LIN54: variants seen among roughly 807,000 people sequenced by gnomAD.
The protein encoded by LIN54 is lin-54 DREAM MuvB core complex component, also known as protein lin-54 homolog.
In LIN54, 9 loss-of-function variants were observed where a neutral mutation model predicts 78.7. The ratio of observed to expected loss-of-function variants is 0.11; its 90% confidence interval spans 0.07 to 0.20. LIN54 has a LOEUF of 0.20. Ranked by LOEUF, LIN54 falls within the 10% of genes least tolerant of loss-of-function variation. The pLI, the probability that LIN54 is intolerant of heterozygous loss-of-function variation, is 1.00. For missense variants in LIN54, 573 were observed against 889.9 expected (o/e 0.64, Z 4.53); for synonymous variants, 269 against 318.4 (o/e 0.84, Z 1.65).
Position 82,935,269 on chromosome 4 carries a change from TATATATTTATATATTTATA to T in LIN54, c.1845+693_1845+711del, listed in dbSNP as rs1275184516. On this transcript the variant is annotated intron_variant, in intron 11 of 12. Transcript: ENST00000340417. ...AGGCTATTTTGTATCCATATATATA[TATATATTTATATATTTATA>T]ATATATATTTATATATTTGAGACAG... is the stretch of plus-strand genomic sequence containing the variant. Among the ~76,000 whole-genome samples the T allele has an allele frequency of 2.0e-5, 3 of 147,832 alleles. No individual in the cohort carries two copies. The East Asian group carries it at 5.9e-4, about 29-fold the overall frequency.
At chr4:82,931,421 A>C (rs1454801943) in intron 11 of LIN54, among the ~76,000 whole-genome samples, 1 of 152,168 alleles carries the variant, frequency 6.6e-6, no homozygotes, top group Non-Finnish European at 1.5e-5. Flanking sequence ...TATGAGTTAC[A>C]CATGTTTTTC....
chr4:82,997,388 C>T (rs1179925777), intron 1 of LIN54, among the ~76,000 whole-genome samples: 1 of 152,118 alleles, frequency 6.6e-6, no homozygotes, highest in Non-Finnish European at 1.5e-5. Flanking sequence ...ATATCCTCTG[C>T]AATTACATTC....
intron 4 of LIN54, among the ~76,000 whole-genome samples, chr4:82,961,093 TA>T (rs886718891): frequency 1.9e-4 from 28 of 148,604 alleles, no homozygotes; most frequent in East Asian, 7.8e-4. Flanking sequence ...CTTTTGAACC[TA>T]AAAAAAAAAA....
chr4:82,993,145 C>T (rs1578634489), intron 1 of LIN54, among the ~76,000 whole-genome samples: 1 of 151,704 alleles, frequency 6.6e-6, no homozygotes, highest in African/African-American at 2.4e-5. Flanking sequence ...TGTGCCTGGC[C>T]CATTTTTTAT....
intron 3 of LIN54, among the ~76,000 whole-genome samples, chr4:82,970,979 A>C (rs1330826756): frequency 6.6e-6 from 1 of 152,186 alleles, no homozygotes; most frequent in African/African-American, 2.4e-5. Flanking sequence ...GGGGATAAAA[A>C]AATGTTTTTT....
At chr4:83,005,626 GAAA>G (rs34604804) in intron 1 of LIN54, among the ~76,000 whole-genome samples, 2 of 104,620 alleles carry the variant, frequency 1.9e-5, no homozygotes, top group Non-Finnish European at 4.0e-5. Context: ...CTCCATCTCA[GAAA>G]AAAAAAAAAA....
intron 7 of LIN54, among the ~76,000 whole-genome samples, 175 bp from the exon 8 acceptor site, chr4:82,938,679 A>G (rs1323178092): frequency 6.6e-6 from 1 of 152,248 alleles, no homozygotes; most frequent in Admixed American, 6.5e-5. Context: ...CCAATACTAT[A>G]GGTGAAAATA....
At chr4:83,008,271 A>C (rs1241003814) in intron 1 of LIN54, among the ~76,000 whole-genome samples, 1 of 152,196 alleles carries the variant, frequency 6.6e-6, no homozygotes, top group Non-Finnish European at 1.5e-5. Context: ...AAGTTCCCTG[A>C]AGTAATGATA....
At chr4:82,992,375 C>CT in intron 1 of LIN54, among the ~76,000 whole-genome samples, 1 of 152,174 alleles carries the variant, frequency 6.6e-6, no homozygotes, top group East Asian at 1.9e-4. Flanking sequence ...TTTTATTGAC[C>CT]TTTACAAAGA....
chr4:82,981,288 T>C (rs1169718324), intron 2 of LIN54, among the ~76,000 whole-genome samples: 1 of 152,230 alleles, frequency 6.6e-6, no homozygotes, highest in Non-Finnish European at 1.5e-5. Context: ...TTATATACTA[T>C]GCACAGGAAA....
At chr4:82,936,755 G>A (rs1485958282) in intron 9 of LIN54, among the ~76,000 whole-genome samples, 1 of 152,128 alleles carries the variant, frequency 6.6e-6, no homozygotes, top group Non-Finnish European at 1.5e-5. Context: ...TCTAATAGTT[G>A]AACTGGCTCA....
intron 4 of LIN54, among the ~76,000 whole-genome samples, chr4:82,968,229 A>G (rs1018649947): frequency 2.0e-5 from 3 of 151,834 alleles, no homozygotes; most frequent in African/African-American, 7.3e-5. Context: ...TTTTTTGTAG[A>G]GACAGGGTTT....
At chr4:82,966,694 T>C (rs111573665) in intron 4 of LIN54, among the ~76,000 whole-genome samples, 3,035 of 152,034 alleles carry the variant, frequency 0.02, 103 homozygotes, top group African/African-American at 0.068. Context: ...TCTCAGCTCA[T>C]TGCAACCTCC....
rs1436192304 is a variant in LIN54 at position 82,927,727 on chromosome 4, C to G, written c.*375G>C. On this transcript the variant is annotated 3_prime_UTR_variant, in exon 13 of 13. Transcript: ENST00000340417. ...TAGATCAAGTCCCAAAGAATGGGTG[C>G]TAACCACTGCTGCTTTGGCTTTTCT... 1 of 175,034 alleles carries G rather than the reference C, an allele frequency of 5.7e-6. No individual in the cohort carries two copies. The highest frequency in any genetic ancestry group is 2.4e-5 in the African/African-American group (1 of 41,866). 10.8% of individuals were successfully genotyped at this position (175,034 alleles called of 1,614,324 possible).
rs1440926291 is a variant in LIN54 at position 82,984,752 on chromosome 4, A to G, written c.93T>C (p.Ala31=). ...ITLVDDDSIE[A]VIVSSPIPME... is the part of the protein sequence containing the mutation. ...TGGGAATTGGGGATGAAACAATAACAGCCTCAATACTATCATCATCCACTA... is the reference window on the plus strand; with the variant it reads ...TGGGAATTGGGGATGAAACAATAACGGCCTCAATACTATCATCATCCACTA... The change falls in exon 2 of 13, where the codon GCT becomes GCC. Residue 31 remains alanine (A), a synonymous_variant. Transcript: ENST00000340417. The G allele has an allele frequency of 1.2e-6, 2 of 1,614,084 alleles. No individual in the cohort carries two copies. The highest frequency in any genetic ancestry group is 1.7e-6 in the Non-Finnish European group (2 of 1,179,948).
rs1728711487 is a variant in LIN54, at chr4:83,000,907, T to G, written c.-33+9577A>C. Among the ~76,000 whole-genome samples the G allele has an allele frequency of 2.8e-5, 4 of 141,740 alleles. No individual in the cohort carries two copies. The South Asian group carries it at 9.1e-4, about 32-fold the overall frequency. The allele number at this position is 141,740 out of a possible 152,430, so 93.0% of individuals were successfully genotyped here. On this transcript the variant is annotated intron_variant, in intron 1 of 12. Coordinates refer to ENST00000340417, the MANE Select transcript of LIN54 (RefSeq NM_194282.4). ...ATCTCAGCTCACTGCAACCTCTGCC[T>G]CCCAGGTTCAAGCAATTCTCCTGCC...
Position 82,928,331 on chromosome 4 carries a change from G to T in LIN54, c.2049-28C>A, listed in dbSNP as rs1350673296. The T allele has an allele frequency of 5.1e-6, 8 of 1,557,240 alleles. No individual in the cohort carries two copies. The Admixed American group carries it at 1.3e-4, about 26-fold the overall frequency. ...GAAATGATTTTTGAAAGAGAAAGAT[G>T]ATGGTGGTGTTAAATAACAACAAAA... On this transcript the variant is annotated intron_variant, in intron 12 of 12. Transcript: ENST00000340417.
chr4:82,948,191 C>T (rs971263690), intron 4 of LIN54, among the ~76,000 whole-genome samples: 4 of 151,996 alleles, frequency 2.6e-5, no homozygotes, highest in Non-Finnish European at 5.9e-5. Flanking sequence ...TTACTATATC[C>T]GCTCAAAATG....
Position 82,936,343 on chromosome 4 carries a change from T to C in LIN54, c.1643A>G (p.Asn548Ser), listed in dbSNP as rs922499496. 2 of 1,579,150 alleles carry C rather than the reference T, an allele frequency of 1.3e-6. No individual in the cohort carries two copies. The highest frequency in any genetic ancestry group is 4.5e-5 in the East Asian group (2 of 44,220). The change falls in exon 10 of 13, where the codon AAC becomes AGC. Residue 548 changes from asparagine (N) to serine (S), a missense_variant. Around this residue, in one of 6 missense-constraint regions of LIN54, gnomAD observed 101 missense variants for 194.2 expected, o/e 0.52. Transcript: ENST00000340417. ...DCFANGEFCN[N>S]CNCTNCYNNL... Reference sequence around the variant, plus strand: ...GTTGTAACAATTAGTACAATTGCAGTTGTTGCAAAATTCACCATTTGCAAA... The same window carrying C: ...GTTGTAACAATTAGTACAATTGCAGCTGTTGCAAAATTCACCATTTGCAAA...
Sources: allele counts gnomAD v4.1 joint callset (sites outside exome capture counted in the v4.1 genomes callset), GRCh38; gene constraint gnomAD v4.1.1; regional missense constraint gnomAD v4.1.1; transcripts MANE v1.5; gene names NCBI Gene and HGNC (gene_info 2026-07-23, HGNC 2026-07-21).